The following KCNMA1 variants were observed in gnomAD, a reference collection of about 807,000 sequenced individuals.
KCNMA1 encodes potassium calcium-activated channel subfamily M alpha 1.
A neutral mutation model predicts 140.0 loss-of-function variants in KCNMA1; 29 were observed. The observed-to-expected ratio is 0.21, with a 90% CI of 0.15 to 0.28. The LOEUF (loss-of-function observed/expected upper bound fraction) is 0.28, where lower values mean the gene tolerates loss of function less well. Among genes scored for constraint, KCNMA1 ranks in the 10% least tolerant of loss-of-function variants. The pLI, the probability that KCNMA1 is intolerant of heterozygous loss-of-function variation, is 1.00. For missense variants in KCNMA1, 880 were observed against 1,602.2 expected (o/e 0.55, Z 7.70); for synonymous variants, 612 against 611.9 (o/e 1.00, Z 0.00).
At chr10:77,043,719 C>T (rs2094869919) in intron 14 of KCNMA1, among the ~76,000 whole-genome samples, 1 of 152,184 alleles carries the variant, frequency 6.6e-6, no homozygotes, top group African/African-American at 2.4e-5. Flanking sequence ...AGGCATTACG[C>T]TAATTGAAAT....
intron 1 of KCNMA1, among the ~76,000 whole-genome samples, chr10:77,405,491 A>G (rs2096442172): frequency 6.6e-6 from 1 of 152,248 alleles, no homozygotes; most frequent in African/African-American, 2.4e-5. Context: ...GTTGCCAGAT[A>G]AAATACAGGA....
intron 14 of KCNMA1, among the ~76,000 whole-genome samples, chr10:77,041,832 A>G (rs2094721620): frequency 6.6e-6 from 1 of 152,148 alleles, no homozygotes; most frequent in African/African-American, 2.4e-5. Context: ...CTTATCTTGT[A>G]TTAAAAGGCA....
At chr10:77,479,955 G>A (rs1393598192) in intron 1 of KCNMA1, among the ~76,000 whole-genome samples, 1 of 152,168 alleles carries the variant, frequency 6.6e-6, no homozygotes, top group Non-Finnish European at 1.5e-5. Context: ...AGCCAAGCCT[G>A]GTGATGTCTT....
At chr10:77,608,314 G>C (rs12244903) in intron 1 of KCNMA1, among the ~76,000 whole-genome samples, 1 of 152,012 alleles carries the variant, frequency 6.6e-6, no homozygotes, top group Non-Finnish European at 1.5e-5. Flanking sequence ...CTGGGACTAC[G>C]GGGATGTGCC....
chr10:77,071,443 T>A (rs1056266739), intron 14 of KCNMA1: 1 of 152,242 alleles, frequency 6.6e-6, no homozygotes, highest in East Asian at 1.9e-4. Context: ...CAGAGCTTGA[T>A]TGAAAGAGCC....
At chr10:77,527,233 C>T (rs1465271799) in intron 1 of KCNMA1, among the ~76,000 whole-genome samples, 1 of 152,252 alleles carries the variant, frequency 6.6e-6, no homozygotes, top group Non-Finnish European at 1.5e-5. Context: ...ACAGGACGAA[C>T]TGGCTTGGGG....
At chr10:77,265,339 A>G (rs2063142572) in intron 2 of KCNMA1, among the ~76,000 whole-genome samples, 1 of 152,226 alleles carries the variant, frequency 6.6e-6, no homozygotes, top group Admixed American at 6.5e-5. Flanking sequence ...GGCGTGAGCC[A>G]CTGCACCCTG....
chr10:77,526,277 T>C (rs1273783300), intron 1 of KCNMA1, among the ~76,000 whole-genome samples: 3 of 152,232 alleles, frequency 2.0e-5, no homozygotes, highest in Non-Finnish European at 4.4e-5. Flanking sequence ...ATTTCCTTAC[T>C]GTCTAAGCCA....
chr10:77,251,538 C>T (rs2059663914), intron 2 of KCNMA1, among the ~76,000 whole-genome samples: 1 of 152,098 alleles, frequency 6.6e-6, no homozygotes, highest in South Asian at 2.1e-4. Flanking sequence ...AGTCCAGCTT[C>T]TCTGCAATTG....
intron 2 of KCNMA1, among the ~76,000 whole-genome samples, chr10:77,362,723 G>C (rs620803): frequency 0.81 from 123,405 of 152,098 alleles, 50,275 homozygotes; most frequent in Middle Eastern, 0.88. Flanking sequence ...AGTTCCCTTT[G>C]TTGTTTAGGA....
chr10:77,394,061 G>A (rs1267747244), intron 2 of KCNMA1, among the ~76,000 whole-genome samples: 1 of 152,236 alleles, frequency 6.6e-6, no homozygotes, highest in East Asian at 1.9e-4. Context: ...TGGATGGGCA[G>A]ACAGACAATG....
chr10:76,994,254 C>T (rs1365298351), intron 19 of KCNMA1, among the ~76,000 whole-genome samples: 1 of 152,186 alleles, frequency 6.6e-6, no homozygotes, highest in Admixed American at 6.5e-5. Flanking sequence ...GCCTCAACTG[C>T]AAACAGCAGT....
intron 6 of KCNMA1, among the ~76,000 whole-genome samples, chr10:77,112,841 C>CATATAT (rs34600954): frequency 2.0e-5 from 3 of 147,454 alleles, no homozygotes; most frequent in Non-Finnish European, 4.5e-5. Context: ...TTGCCATGTA[C>CATATAT]ATATATATAT....
At chr10:77,113,313 A>G (rs1309291048) in intron 6 of KCNMA1, among the ~76,000 whole-genome samples, 3 of 152,202 alleles carry the variant, frequency 2.0e-5, no homozygotes, top group Non-Finnish European at 4.4e-5. Context: ...GGCAGCCGGC[A>G]TGGGCTATAG....
chr10:76,971,644 CCT>C (rs1354278770), intron 19 of KCNMA1, among the ~76,000 whole-genome samples: 1 of 152,104 alleles, frequency 6.6e-6, no homozygotes, highest in Non-Finnish European at 1.5e-5. Context: ...CCACCTGCTT[CCT>C]CTGACACCCA....
intron 3 of KCNMA1, among the ~76,000 whole-genome samples, chr10:77,244,508 G>A (rs2058111074): frequency 6.6e-6 from 1 of 152,186 alleles, no homozygotes; most frequent in Non-Finnish European, 1.5e-5. Flanking sequence ...CCTCACCAAT[G>A]TGGAAGGGAG....
chr10:77,526,551 CA>C (rs962718336), intron 1 of KCNMA1, among the ~76,000 whole-genome samples: 3 of 152,178 alleles, frequency 2.0e-5, no homozygotes, highest in African/African-American at 7.2e-5. Flanking sequence ...GGTTTCTAGA[CA>C]AATGTTAGTG....
intron 25 of KCNMA1, among the ~76,000 whole-genome samples, chr10:76,892,319 A>C (rs532079196): frequency 6.6e-6 from 1 of 152,206 alleles, no homozygotes; most frequent in Non-Finnish European, 1.5e-5. Context: ...TTTGTTTTCT[A>C]AAATAACCTC....
rs190868105 is a variant in KCNMA1 at position 77,159,312 on chromosome 10, T to C, written c.808+24109A>G. The stretch of plus-strand genomic sequence containing the variant: ...CAAGTAACATCATCCGCTCCTTTCT[T>C]TCTTTTCTTCCCTATAGTATCGTTG... On this transcript the variant is annotated intron_variant, in intron 5 of 27. Coordinates refer to ENST00000286628, the MANE Select transcript of KCNMA1 (RefSeq NM_001161352.2). 1.1e-3 allele frequency among the ~76,000 whole-genome samples: 174 copies of C among 152,312 alleles called. 4 individuals carry two copies. In the South Asian group the frequency reaches 0.019, roughly 16 times the overall value.
Sources: allele counts gnomAD v4.1 joint callset (sites outside exome capture counted in the v4.1 genomes callset), GRCh38; gene constraint gnomAD v4.1.1; transcripts MANE v1.5; gene names NCBI Gene and HGNC (gene_info 2026-07-23, HGNC 2026-07-21).